The following TAFA5 variants were observed in gnomAD, a reference collection of about 807,000 sequenced individuals.
TAFA5 encodes chemokine-like protein TAFA-5.
Under a neutral mutation model 15.3 loss-of-function variants are expected in TAFA5, and 6 were observed. That is an observed-to-expected ratio of 0.39 (90% confidence interval 0.21 to 0.77). TAFA5 has a LOEUF of 0.77. Among genes scored for constraint, TAFA5 ranks in the 30% least tolerant of loss-of-function variants. TAFA5 has a pLI of 0.41. For synonymous variants in TAFA5, 103 were observed against 80.7 expected (o/e 1.28, Z -1.48); for missense variants, 161 against 193.1 (o/e 0.83, Z 0.98).
chr22:48,716,673 C>T (rs1569091810), intron 3 of TAFA5, among the ~76,000 whole-genome samples: 1 of 152,182 alleles, frequency 6.6e-6, no homozygotes, highest in Non-Finnish European at 1.5e-5. Flanking sequence ...TATCCCAGAA[C>T]TGAAAGTAAA....
intron 3 of TAFA5, among the ~76,000 whole-genome samples, chr22:48,723,678 T>A (rs1929635911): frequency 6.6e-6 from 1 of 152,182 alleles, no homozygotes; most frequent in Admixed American, 6.5e-5. Flanking sequence ...CTTGTGGAAG[T>A]CAGTTTATCT....
chr22:48,653,201 C>A (rs991105204), intron 2 of TAFA5, among the ~76,000 whole-genome samples: 1 of 152,238 alleles, frequency 6.6e-6, no homozygotes, highest in African/African-American at 2.4e-5. Context: ...GCGACACTTT[C>A]TTCCCCAGCA....
Position 48,651,961 on chromosome 22 carries a change from G to A in TAFA5, c.262+5215G>A, listed in dbSNP as rs563209607. Reference sequence around the variant, plus strand: ...CCTGGCAGTGACTGCAGGAGCCAGGGTAGGAGGGAAGTCACTTCTTCTCTT... The same window carrying A: ...CCTGGCAGTGACTGCAGGAGCCAGGATAGGAGGGAAGTCACTTCTTCTCTT... On this transcript the variant is annotated intron_variant, in intron 2 of 3. Coordinates refer to ENST00000402357, the MANE Select transcript of TAFA5 (RefSeq NM_001082967.3). 1.1e-4 allele frequency among the ~76,000 whole-genome samples: 17 copies of A among 152,328 alleles called. 2 individuals carry two copies. The South Asian group carries it at 3.5e-3, about 32-fold the overall frequency.
chr22:48,602,486 G>C (rs1464942682), intron 1 of TAFA5, among the ~76,000 whole-genome samples: 3 of 152,182 alleles, frequency 2.0e-5, no homozygotes, highest in Non-Finnish European at 4.4e-5. Context: ...CGTGGAGGTG[G>C]GTCCATCAGC....
At chr22:48,649,331 C>T (rs1444214503) in intron 2 of TAFA5, among the ~76,000 whole-genome samples, 1 of 152,150 alleles carries the variant, frequency 6.6e-6, no homozygotes, top group African/African-American at 2.4e-5. Context: ...CGGCCACCAG[C>T]CCTGAGGGTT....
intron 1 of TAFA5, among the ~76,000 whole-genome samples, chr22:48,585,455 C>A (rs868485172): frequency 1.3e-5 from 2 of 150,282 alleles, no homozygotes; most frequent in Non-Finnish European, 3.0e-5. Flanking sequence ...TCCCACACAC[C>A]ACACAAAATA....
At chr22:48,500,904 C>T (rs1920948218) in intron 1 of TAFA5, among the ~76,000 whole-genome samples, 1 of 152,144 alleles carries the variant, frequency 6.6e-6, no homozygotes. Context: ...ACGGGAGGAG[C>T]TGGGGCATGC....
chr22:48,608,716 A>G (rs932792969), intron 1 of TAFA5, among the ~76,000 whole-genome samples: 2 of 152,178 alleles, frequency 1.3e-5, no homozygotes, highest in African/African-American at 2.4e-5. Flanking sequence ...TGGTGGAGCC[A>G]TGATTACTTG....
chr22:48,695,436 A>G (rs965798286), intron 2 of TAFA5, among the ~76,000 whole-genome samples: 3 of 152,214 alleles, frequency 2.0e-5, no homozygotes, highest in African/African-American at 7.2e-5. Flanking sequence ...TGTTGAGTAC[A>G]GCAAGCAACT....
chr22:48,496,410 T>G (rs1298740499), intron 1 of TAFA5, among the ~76,000 whole-genome samples: 1 of 152,024 alleles, frequency 6.6e-6, no homozygotes, highest in Non-Finnish European at 1.5e-5. Flanking sequence ...CGGCATCTGC[T>G]GGGCAGTGAG....
intron 1 of TAFA5, among the ~76,000 whole-genome samples, chr22:48,600,228 G>A (rs1375280224): frequency 2.6e-5 from 4 of 152,216 alleles, no homozygotes; most frequent in African/African-American, 7.2e-5. Context: ...GATAAGTGAG[G>A]ATGTGGTGAA....
At chr22:48,546,860 C>A (rs1166170508) in intron 1 of TAFA5, 1 of 287,022 alleles carries the variant, frequency 3.5e-6, no homozygotes, top group Non-Finnish European at 7.0e-6. Flanking sequence ...AGGACGATTG[C>A]GGATGGCCAC....
chr22:48,658,818 G>A (rs1927336751), intron 2 of TAFA5, among the ~76,000 whole-genome samples: 1 of 152,238 alleles, frequency 6.6e-6, no homozygotes, highest in Non-Finnish European at 1.5e-5. Flanking sequence ...GCCACAGTGT[G>A]GCCTCTTGGG....
intron 1 of TAFA5, among the ~76,000 whole-genome samples, chr22:48,501,316 A>C (rs1259873350): frequency 6.6e-6 from 1 of 152,144 alleles, no homozygotes; most frequent in African/African-American, 2.4e-5. Flanking sequence ...TGACTCCCCA[A>C]CCTGCTCTGA....
chr22:48,671,210 C>T (rs1415518279), intron 2 of TAFA5, among the ~76,000 whole-genome samples: 3 of 152,176 alleles, frequency 2.0e-5, no homozygotes, highest in African/African-American at 7.2e-5. Flanking sequence ...CCCAGGAGCT[C>T]GAGCCATTCG....
At chr22:48,539,472 T>C (rs1303499606) in intron 1 of TAFA5, 1 of 471,096 alleles carries the variant, frequency 2.1e-6, no homozygotes, top group African/African-American at 2.0e-5. Context: ...AAGACAATTA[T>C]TGTGTTGACT....
chr22:48,604,814 G>A (rs892830977), intron 1 of TAFA5, among the ~76,000 whole-genome samples: 1 of 152,094 alleles, frequency 6.6e-6, no homozygotes, highest in Non-Finnish European at 1.5e-5. Context: ...GGGTATGAGA[G>A]GTATGCTTCT....
intron 2 of TAFA5, among the ~76,000 whole-genome samples, chr22:48,651,035 G>T (rs760557499): frequency 6.6e-6 from 1 of 152,238 alleles, no homozygotes; most frequent in Non-Finnish European, 1.5e-5. Context: ...TGCAGTACCT[G>T]GCTGTACCTG....
intron 2 of TAFA5, among the ~76,000 whole-genome samples, chr22:48,651,036 G>A (rs1426639926): frequency 1.3e-5 from 2 of 152,258 alleles, no homozygotes; most frequent in African/African-American, 4.8e-5. Flanking sequence ...GCAGTACCTG[G>A]CTGTACCTGG....
Sources: allele counts gnomAD v4.1 joint callset (sites outside exome capture counted in the v4.1 genomes callset), GRCh38; gene constraint gnomAD v4.1.1; transcripts MANE v1.5; gene names NCBI Gene and HGNC (gene_info 2026-07-23, HGNC 2026-07-21).